The following DHPS variants were observed in gnomAD, a reference collection of about 807,000 sequenced individuals.
DHPS encodes deoxyhypusine synthase.
DHPS carries 24 observed loss-of-function variants against 38.7 expected under a neutral mutation model. That is an observed-to-expected ratio of 0.62 (90% CI 0.45 to 0.87). The LOEUF (loss-of-function observed/expected upper bound fraction) is 0.87, where lower values mean the gene tolerates loss of function less well. Among genes scored for constraint, DHPS ranks in the 40% least tolerant of loss-of-function variants. DHPS has a pLI of 0.00. For missense variants in DHPS, 510 were observed against 497.6 expected (o/e 1.02, Z -0.24); for synonymous variants, 250 against 204.4 (o/e 1.22, Z -1.90).
downstream of DHPS, chr19:12,675,500 A>C (rs745335607): frequency 3.8e-6 from 6 of 1,598,354 alleles, no homozygotes; most frequent in Non-Finnish European, 5.1e-6. Context: ...ACAGATAACC[A>C]CTCCCTACCC....
downstream of DHPS, chr19:12,672,801 ATG>A: frequency 6.5e-7 from 1 of 1,541,336 alleles, no homozygotes; most frequent in East Asian, 2.4e-5. Context: ...GCCTGGAGCC[ATG>A]TGAGTGTAGT....
intron 4 of DHPS, 31 bp downstream of exon 4, chr19:12,679,592 A>C: frequency 6.2e-7 from 1 of 1,614,042 alleles, no homozygotes; most frequent in Middle Eastern, 1.7e-4. Context: ...ACTCCCACTG[A>C]ACTGGCCCCT....
Position 12,679,732 on chromosome 19 carries a change from G to A in DHPS, c.495-13C>T. The A allele has an allele frequency of 2.5e-6, 4 of 1,614,192 alleles. No homozygotes were observed. Among genetic ancestry groups the A allele is most frequent in the South Asian group, 2.2e-5 (2 of 91,086 alleles). ...CAGGTTTCCGATCCTGAGAACAGGA[G>A]GCATGTAGGCATCAGGCCCCAGGAC... is the stretch of plus-strand genomic sequence containing the variant. On this transcript the variant is annotated splice_polypyrimidine_tract_variant and intron_variant, in intron 3 of 8. Transcript: ENST00000210060.
downstream of DHPS, among the ~76,000 whole-genome samples, chr19:12,675,318 C>T (rs1384949468): frequency 6.6e-6 from 1 of 152,134 alleles, no homozygotes; most frequent in African/African-American, 2.4e-5. Context: ...GGCCTGAACA[C>T]CTGGTAGGAC....
Position 12,681,596 on chromosome 19 carries a change from G to A in DHPS, c.171C>T (p.Thr57=), listed in dbSNP as rs2024816644. Residue 57 remains threonine, a synonymous_variant, in exon 1 of 9, where the codon ACC becomes ACT. Transcript: ENST00000210060. Reference sequence around the variant, plus strand: ...CTTGCTGTACAGCGCGCCCGAAGTTGGTTGCTTGGAAGCCGGTGGTGCCGA... The same window carrying A: ...CTTGCTGTACAGCGCGCCCGAAGTTAGTTGCTTGGAAGCCGGTGGTGCCGA... ...EAFGTTGFQA[T]NFGRAVQQVN... 1 of 1,614,256 alleles carries A rather than the reference G, an allele frequency of 6.2e-7. No homozygotes were observed. The highest frequency in any genetic ancestry group is 8.5e-7 in the Non-Finnish European group (1 of 1,180,046).
At chr19:12,678,946 G>A (rs773770002) in intron 5 of DHPS, among the ~76,000 whole-genome samples, 2 of 151,566 alleles carry the variant, frequency 1.3e-5, no homozygotes, top group Non-Finnish European at 2.9e-5. Flanking sequence ...GAGATAGTCT[G>A]GGAGGAGCAT....
chr19:12,680,056 C>A (rs780601641), intron 2 of DHPS, 105 bp downstream of exon 2: 2 of 1,557,208 alleles, frequency 1.3e-6, no homozygotes, highest in Admixed American at 1.8e-5. Context: ...TGATTCTATT[C>A]CTCTGCTTAT....
Position 12,677,103 on chromosome 19 carries a change from C to T in DHPS, c.888+5G>A, listed in dbSNP as rs898516088. Reference sequence around the variant, plus strand: ...AGAGTGGGCCGAAGCGCCACCCCCACTCACCATGAGGTTGGCATTGGCAAT... The same window carrying T: ...AGAGTGGGCCGAAGCGCCACCCCCATTCACCATGAGGTTGGCATTGGCAAT... On this transcript the variant is annotated splice_donor_5th_base_variant and intron_variant, in intron 7 of 8. Transcript: ENST00000210060. The T allele has an allele frequency of 6.2e-7, 1 of 1,613,540 alleles. No individual in the cohort carries two copies. The highest frequency in any genetic ancestry group is 2.2e-5 in the East Asian group (1 of 44,888).
chr19:12,673,461 A>G (rs911895446), downstream of DHPS: 112 of 591,884 alleles, frequency 1.9e-4, no homozygotes, highest in Non-Finnish European at 6.9e-5. Context: ...TCTGTCGCCC[A>G]GGCTAGAGTG....
chr19:12,679,522 TAGA>T lies in DHPS; in HGVS notation c.610_612del (p.Ser204del). 1 of 1,614,220 alleles carries T rather than the reference TAGA, an allele frequency of 6.2e-7. No individual in the cohort carries two copies. Among genetic ancestry groups the T allele is most frequent in the Non-Finnish European group, 8.5e-7 (1 of 1,180,032 alleles). The stretch of plus-strand genomic sequence containing the variant: ...TCCTTGCCCAGCCGGGCGATCATCT[TAGA>T]AGGCGTCCACTTTACACCCTAGGAG... On this transcript the variant is annotated inframe_deletion, in exon 5 of 9. Coordinates refer to ENST00000210060, the MANE Select transcript of DHPS (RefSeq NM_001930.4).
At position 12,681,553 on chromosome 19, in the gene DHPS, T is replaced by A. The variant is rs1568320816; in HGVS notation, c.207+7A>T. The A allele has an allele frequency of 1.2e-6, 2 of 1,614,196 alleles. No homozygotes were observed. The highest frequency in any genetic ancestry group is 3.3e-5 in the Admixed American group (2 of 60,028). On this transcript the variant is annotated splice_region_variant and intron_variant, in intron 1 of 8. Transcript: ENST00000210060. ...CCGCGTCCCTAGAAATTCCGCCCGG[T>A]CCTCACCATGGCATTGACTTGCTGT...
intron 5 of DHPS, 75 bp downstream of exon 5, chr19:12,679,382 C>G: frequency 7.4e-7 from 1 of 1,353,544 alleles, no homozygotes. Flanking sequence ...GTACTGAATC[C>G]CCAGGAGGCT....
intron 7 of DHPS, 170 bp downstream of exon 7, chr19:12,676,938 T>C: frequency 3.1e-6 from 2 of 636,370 alleles, no homozygotes; most frequent in South Asian, 3.5e-5. Flanking sequence ...CCCGTAGCAA[T>C]GACTGCCCCC....
In DHPS at chr19:12,676,311, G is replaced by A. The variant is rs899021743; in HGVS notation, c.889-169C>T. The A allele has an allele frequency of 1.5e-5, 13 of 856,428 alleles. No homozygotes were observed. In the African/African-American group the frequency reaches 1.5e-4, roughly 10 times the overall value. 53.1% of individuals were successfully genotyped at this position (856,428 alleles called of 1,614,324 possible). A position where few individuals can be genotyped will look rare whatever the true frequency, so the allele number is the denominator to read the frequency against. ...CATGTCAATGTCTGGGGTCACTAGA[G>A]CTGCTGGGCAACGATGGCTGTGTTT... On this transcript the variant is annotated intron_variant, in intron 7 of 8. Coordinates refer to ENST00000210060, the MANE Select transcript of DHPS (RefSeq NM_001930.4).
downstream of DHPS, among the ~76,000 whole-genome samples, chr19:12,674,545 T>A (rs2145329764): frequency 6.6e-6 from 1 of 152,286 alleles, no homozygotes; most frequent in South Asian, 2.1e-4. Context: ...AGAACAGAAG[T>A]TGCCTTGGAG....
downstream of DHPS, chr19:12,673,080 G>A (rs377575721): frequency 2.0e-5 from 33 of 1,613,404 alleles, no homozygotes; most frequent in East Asian, 8.9e-5. Context: ...TCCACATTGC[G>A]GCTCCTGGAC....
chr19:12,679,240 A>G (rs1463348197), intron 5 of DHPS, among the ~76,000 whole-genome samples: 4 of 151,796 alleles, frequency 2.6e-5, no homozygotes, highest in Non-Finnish European at 4.4e-5. Flanking sequence ...TGAGGCTGCA[A>G]TGAGCTGTGA....
rs757664253 is a variant in DHPS at position 12,680,266 on chromosome 19, C to G, written c.267G>C (p.Gln89His). The G allele has an allele frequency of 1.9e-6, 3 of 1,614,144 alleles. No homozygotes were observed. Among genetic ancestry groups the G allele is most frequent in the Non-Finnish European group, 2.5e-6 (3 of 1,180,014 alleles). The change falls in exon 2 of 9, where the codon CAG (glutamine) becomes CAC (histidine). Residue 89 changes from glutamine (Q) to histidine (H), a missense_variant. Coordinates refer to ENST00000210060, the MANE Select transcript of DHPS (RefSeq NM_001930.4). ...QDEDQHADLT[Q>H]SRRPLTSCTI... ...TGCAGCTGGTAAGTGGGCGGCGGCT[C>G]TGGGTCAGGTCCGCGTGCTGGTCTT...
chr19:12,679,382 C>A (rs1016859652), intron 5 of DHPS, 75 bp downstream of exon 5: 86 of 1,353,426 alleles, frequency 6.4e-5, no homozygotes, highest in Middle Eastern at 3.6e-4. Flanking sequence ...GTACTGAATC[C>A]CCAGGAGGCT....
Sources: gnomAD v4.1 joint callset for allele counts (sites outside exome capture counted in the v4.1 genomes callset) on GRCh38, gnomAD v4.1.1 for gene constraint, MANE v1.5 for transcripts, NCBI Gene and HGNC (gene_info 2026-07-23, HGNC 2026-07-21) for gene names.